PRELID2: variants seen among roughly 807,000 people sequenced by gnomAD.
PRELID2 encodes the protein PRELI domain containing 2.
Under a neutral mutation model 28.4 loss-of-function variants are expected in PRELID2, and 25 were observed. The ratio of observed to expected loss-of-function variants is 0.88; its 90% confidence interval spans 0.64 to 1.23. The LOEUF (loss-of-function observed/expected upper bound fraction) is 1.23. PRELID2 is among the 50% of genes most tolerant of loss of function. The pLI is 0.00. For missense variants in PRELID2, 201 were observed against 214.4 expected, an observed-to-expected ratio of 0.94 and a Z score of 0.39; for synonymous variants, 76 against 71.6, an observed-to-expected ratio of 1.06 and a Z score of -0.31.
the PRELID2 span, among the ~76,000 whole-genome samples, chr5:145,290,440 G>A: frequency 2.6e-5 from 4 of 152,042 alleles, no homozygotes; most frequent in Admixed American, 1.3e-4. Context: ...ATGAGTTCAC[G>A]TCCTTTGTAG....
At chr5:145,820,498 T>C (rs1318445024) in intron 2 of PRELID2, among the ~76,000 whole-genome samples, 3 of 152,126 alleles carry the variant, frequency 2.0e-5, no homozygotes, top group African/African-American at 7.2e-5. Flanking sequence ...AAAGAGAATG[T>C]TTCAACAAAA....
intron 1 of PRELID2, among the ~76,000 whole-genome samples, chr5:145,510,092 C>T (rs1752447890): frequency 6.6e-6 from 1 of 152,136 alleles, no homozygotes. Context: ...ACTTGCTTGG[C>T]TATTTTGAGG....
the PRELID2 span, among the ~76,000 whole-genome samples, chr5:145,278,429 C>A: frequency 1.3e-5 from 2 of 152,082 alleles, no homozygotes; most frequent in Admixed American, 1.3e-4. Context: ...AAGTCATTGG[C>A]AGGATTCAAT....
intron 1 of PRELID2, among the ~76,000 whole-genome samples, chr5:145,730,265 TCAGCTTTTCTCCCAACACA>T (rs1756300555): frequency 1.3e-5 from 2 of 152,102 alleles, no homozygotes; most frequent in African/African-American, 4.8e-5. Flanking sequence ...CTCCCAACAC[TCAGCTTTTCTCCCAACACA>T]CTGGCCAAAG....
chr5:145,803,418 CTATATAT>C (rs1392603109), intron 4 of PRELID2, among the ~76,000 whole-genome samples: 2 of 151,516 alleles, frequency 1.3e-5, no homozygotes, highest in African/African-American at 4.9e-5. Flanking sequence ...CACACACACA[CTATATAT>C]ACATATACAT....
intron 1 of PRELID2, among the ~76,000 whole-genome samples, chr5:145,629,506 C>T (rs1753902666): frequency 6.6e-6 from 1 of 152,150 alleles, no homozygotes; most frequent in African/African-American, 2.4e-5. Context: ...GCCCATTAAA[C>T]AGGCAGGTCT....
At chr5:145,728,592 T>C in intron 1 of PRELID2, 4 of 928,854 alleles carry the variant, frequency 4.3e-6, no homozygotes, top group South Asian at 1.3e-5. Flanking sequence ...AATTAACACA[T>C]TTAGCAAAAC....
chr5:145,352,163 T>C, the PRELID2 span, among the ~76,000 whole-genome samples: 1 of 152,178 alleles, frequency 6.6e-6, no homozygotes, highest in Admixed American at 6.5e-5. Context: ...CAGTGGGGAC[T>C]ATATGTGGAG....
chr5:145,733,317 A>G (rs1756400384), intron 1 of PRELID2, among the ~76,000 whole-genome samples: 1 of 152,128 alleles, frequency 6.6e-6, no homozygotes. Context: ...GTGAAGAATC[A>G]CCAACATAAA....
intron 1 of PRELID2, among the ~76,000 whole-genome samples, chr5:145,634,661 G>A (rs770860858): frequency 2.0e-5 from 3 of 152,076 alleles, no homozygotes; most frequent in African/African-American, 4.8e-5. Context: ...CTCCCTGGCT[G>A]TTGAGGCATT....
At chr5:145,293,157 T>A in the PRELID2 span, among the ~76,000 whole-genome samples, 27 of 152,302 alleles carry the variant, frequency 1.8e-4, no homozygotes, top group African/African-American at 5.8e-4. Flanking sequence ...CCACAATTGC[T>A]ACCACTCCTA....
chr5:145,421,871 G>A, the PRELID2 span, among the ~76,000 whole-genome samples: 9 of 149,436 alleles, frequency 6.0e-5, no homozygotes, highest in African/African-American at 2.0e-4. Flanking sequence ...TGGGCATTTA[G>A]TGCTATAAAT....
At chr5:145,380,653 T>C in the PRELID2 span, among the ~76,000 whole-genome samples, 1 of 152,218 alleles carries the variant, frequency 6.6e-6, no homozygotes, top group Non-Finnish European at 1.5e-5. Flanking sequence ...TAGTACCTAC[T>C]GGTTTGCTCT....
intron 1 of PRELID2, among the ~76,000 whole-genome samples, chr5:145,515,670 T>G (rs1256424927): frequency 6.6e-6 from 1 of 151,946 alleles, no homozygotes; most frequent in Admixed American, 6.6e-5. Flanking sequence ...GATACCAAAC[T>G]TGGCAGAGAC....
intron 1 of PRELID2, among the ~76,000 whole-genome samples, chr5:145,700,891 G>T (rs1030369687): frequency 6.6e-6 from 1 of 152,150 alleles, no homozygotes; most frequent in African/African-American, 2.4e-5. Flanking sequence ...ATGGCCATAC[G>T]GACCACAGAG....
the PRELID2 span, among the ~76,000 whole-genome samples, chr5:145,234,103 A>G: frequency 6.6e-6 from 1 of 152,214 alleles, no homozygotes; most frequent in Non-Finnish European, 1.5e-5. Context: ...GCAAGAGAAT[A>G]TAAGTTACCA....
At chr5:145,364,850 C>G in the PRELID2 span, among the ~76,000 whole-genome samples, 1 of 151,948 alleles carries the variant, frequency 6.6e-6, no homozygotes, top group African/African-American at 2.4e-5. Context: ...GCAGCCCACT[C>G]AAACTCAAAG....
At chr5:145,414,155 C>T in the PRELID2 span, among the ~76,000 whole-genome samples, 7 of 152,250 alleles carry the variant, frequency 4.6e-5, no homozygotes, top group East Asian at 9.6e-4. Flanking sequence ...ATCCCTTCCT[C>T]CCTAGTTGGT....
At chr5:145,237,261 G>T in the PRELID2 span, among the ~76,000 whole-genome samples, 2 of 152,090 alleles carry the variant, frequency 1.3e-5, no homozygotes, top group Admixed American at 1.3e-4. Flanking sequence ...AAGACAGTGT[G>T]GTTATTTGTT....
Sources: allele counts gnomAD v4.1 joint callset (sites outside exome capture counted in the v4.1 genomes callset), GRCh38; gene constraint gnomAD v4.1.1; transcripts MANE v1.5; gene names NCBI Gene and HGNC (gene_info 2026-07-23, HGNC 2026-07-21).